The following FLNC variants were observed in gnomAD, a reference collection of about 807,000 sequenced individuals.
The protein encoded by FLNC is filamin C.
A neutral mutation model predicts 254.3 loss-of-function variants in FLNC; 91 were observed. The observed-to-expected ratio is 0.36, with a 90% CI of 0.30 to 0.43. The LOEUF (loss-of-function observed/expected upper bound fraction) is 0.43. Among genes scored for constraint, FLNC ranks in the 20% least tolerant of loss-of-function variants. The pLI is 1.00. For missense variants in FLNC, 2,853 were observed against 3,802.6 expected (o/e 0.75, Z 6.57); for synonymous variants, 1,430 against 1,577.2 (o/e 0.91, Z 2.21).
intron 8 of FLNC, 84 bp downstream of exon 8, chr7:128,838,887 G>A (rs1808215888): frequency 1.5e-6 from 2 of 1,317,290 alleles, no homozygotes; most frequent in Non-Finnish European, 2.2e-6. Flanking sequence ...TGGGGCGGGG[G>A]TCTGCAGAGA....
At chr7:128,840,790 G>T (rs373028257) in intron 10 of FLNC, 44 bp from the exon 11 acceptor site, 10 of 1,612,826 alleles carry the variant, frequency 6.2e-6, no homozygotes, top group Non-Finnish European at 8.5e-6. Context: ...GAGGGACTTT[G>T]GGGGGCACTT....
rs1036290333 is a variant in FLNC, at chr7:128,845,877, A to G, written c.3791-113A>G. 2.2e-5 allele frequency: 16 copies of G among 732,794 alleles called. No individual in the cohort carries two copies. In the African/African-American group the frequency reaches 3.6e-4, roughly 16 times the overall value. 45.4% of individuals were successfully genotyped at this position (732,794 alleles called of 1,614,324 possible). ...GGGGAGAGGAGGGTGAGAGGAGGGG[A>G]AGAGGAGGGGAAGAGGAGAGGGAGA... On this transcript the variant is annotated intron_variant, in intron 21 of 47. Transcript: ENST00000325888.
At chr7:128,833,616 AC>A (rs879276981) in intron 1 of FLNC, among the ~76,000 whole-genome samples, 3 of 124,204 alleles carry the variant, frequency 2.4e-5, no homozygotes, top group African/African-American at 1.1e-4. Context: ...CCATATACAC[AC>A]CGCCCCCCCC....
In FLNC at chr7:128,844,255, G is replaced by A. The variant is rs1395662654; in HGVS notation, c.3181G>A (p.Asp1061Asn). ...PFAVEGVLPP[D>N]PSKVCAYGPG... ...TGCTGTGGAGGGTGTCCTGCCCCCT[G>A]ATCCCTCCAAGGTGAGGAGATAGGA... The change falls in exon 20 of 48, where the codon GAT becomes AAT. Residue 1061 changes from aspartate (D) to asparagine (N), a missense_variant. Physicochemically the swap from Asp to Asn is conservative, Grantham distance 23. Coordinates refer to ENST00000325888, the MANE Select transcript of FLNC (RefSeq NM_001458.5). The A allele has an allele frequency of 6.2e-7, 1 of 1,608,092 alleles. No homozygotes were observed. Among genetic ancestry groups the A allele is most frequent in the South Asian group, 1.1e-5 (1 of 90,528 alleles).
chr7:128,857,107 C>T lies in FLNC; in HGVS notation c.7562-11C>T. The T allele has an allele frequency of 6.2e-7, 1 of 1,613,564 alleles. No individual in the cohort carries two copies. The highest frequency in any genetic ancestry group is 8.5e-7 in the Non-Finnish European group (1 of 1,179,506). ...CTTCCTGCCCTCAGCCTTGCTACCTCTGGCCCCCAGGTGTGTCATCAGAGT... is the reference window on the plus strand; with the variant it reads ...CTTCCTGCCCTCAGCCTTGCTACCTTTGGCCCCCAGGTGTGTCATCAGAGT... On this transcript the variant is annotated splice_polypyrimidine_tract_variant and intron_variant, in intron 45 of 47. Coordinates refer to ENST00000325888, the MANE Select transcript of FLNC (RefSeq NM_001458.5). The surrounding 1 kb of genome is among the most constrained non-coding windows in gnomAD (Gnocchi z 4.5).
In FLNC at chr7:128,854,730, G is replaced by C. The variant is rs753760205; in HGVS notation, c.6998-45G>C. On this transcript the variant is annotated intron_variant, in intron 41 of 47. Coordinates refer to ENST00000325888, the MANE Select transcript of FLNC (RefSeq NM_001458.5). ...TGGGGATGAAGTCAGGGCAGCCAGT[G>C]TGAGGGGCGATGATGCTGAAGTCCA... 5 of 1,613,238 alleles carry C rather than the reference G, an allele frequency of 3.1e-6. No homozygotes were observed. In the South Asian group the frequency reaches 4.4e-5, roughly 14 times the overall value.
chr7:128,852,544 G>A (rs775071351), intron 35 of FLNC, 47 bp from the exon 36 acceptor site: 36 of 1,610,266 alleles, frequency 2.2e-5, no homozygotes, highest in African/African-American at 2.7e-5. Flanking sequence ...GTGAGGGCAG[G>A]GCCTGCCTGG....
Position 128,835,375 on chromosome 7 carries a change from C to G in FLNC, c.402C>G (p.Ile134Met), listed in dbSNP as rs1455597166. Reference protein sequence around the residue: ...DGNLKLILGLIWTLILHYSIS... With the variant: ...DGNLKLILGLMWTLILHYSIS... ...ACCTGAAGCTGATCCTGGGCCTGAT[C>G]TGGACGCTGATCCTGCACTACTCCA... is the stretch of plus-strand genomic sequence containing the variant. The change falls in exon 2 of 48, where the codon ATC becomes ATG. Residue 134 changes from isoleucine to methionine, a missense_variant. Ile to Met is a conservative substitution (Grantham distance 10). This residue lies in a region of FLNC where 115 missense variants were observed against 230.3 expected (regional missense o/e 0.50). Transcript: ENST00000325888. The surrounding 1 kb of genome is among the most constrained non-coding windows in gnomAD (Gnocchi z 5.3). 1.9e-6 allele frequency: 3 copies of G among 1,614,068 alleles called. No homozygotes were observed. The highest frequency in any genetic ancestry group is 2.5e-6 in the Non-Finnish European group (3 of 1,180,018).
At chr7:128,850,153 G>C in intron 31 of FLNC, 79 bp downstream of exon 31, 1 of 1,277,934 alleles carries the variant, frequency 7.8e-7, no homozygotes, top group Non-Finnish European at 1.1e-6. Flanking sequence ...CTGCAGCCAG[G>C]GCGGGGACAT....
At chr7:128,832,950 C>G (rs1807952216) in intron 1 of FLNC, among the ~76,000 whole-genome samples, 1 of 152,180 alleles carries the variant, frequency 6.6e-6, no homozygotes, top group Admixed American at 6.5e-5. Flanking sequence ...ATGGGGCCAC[C>G]TTCTGAGTAT....
Position 128,835,908 on chromosome 7 carries a change from C to T in FLNC, c.601+334C>T, listed in dbSNP as rs1023361449. Reference sequence around the variant, plus strand: ...CACCTAGAGCCCAGGGCCTGGACTCCCTGCCCCATGAATTTTTTACTGTGC... The same window carrying T: ...CACCTAGAGCCCAGGGCCTGGACTCTCTGCCCCATGAATTTTTTACTGTGC... On this transcript the variant is annotated intron_variant, in intron 2 of 47. Coordinates refer to ENST00000325888, the MANE Select transcript of FLNC (RefSeq NM_001458.5). This position sits in a 1 kb window ranked among gnomAD's most constrained non-coding sequence, Gnocchi z 5.3. 1.3e-5 allele frequency among the ~76,000 whole-genome samples: 2 copies of T among 152,148 alleles called. No homozygotes were observed. Among genetic ancestry groups the T allele is most frequent in the African/African-American group, 2.4e-5 (1 of 41,428 alleles).
rs185364737 is a variant in FLNC, at chr7:128,849,676, C to A, written c.5199+98C>A. 11,806 of 1,489,016 alleles carry A rather than the reference C, an allele frequency of 7.9e-3. 456 individuals are homozygous for A. In the Admixed American group the frequency reaches 0.11, roughly 14 times the overall value. The allele number at this position is 1,489,016 out of a possible 1,614,324, so 92.2% of individuals were successfully genotyped here. On this transcript the variant is annotated intron_variant, in intron 30 of 47. Coordinates refer to ENST00000325888, the MANE Select transcript of FLNC (RefSeq NM_001458.5). ...CCCAGATAACTGTCCCCAAGGAATC[C>A]CACTTCTCTGAGGGCTCCTGGGGCC...
intron 42 of FLNC, 68 bp from the exon 43 acceptor site, chr7:128,855,131 A>G (rs781252932): frequency 2.9e-5 from 35 of 1,194,318 alleles, no homozygotes; most frequent in Non-Finnish European, 4.1e-5. Context: ...GGATAAGGCC[A>G]GGGTGGGGAG....
chr7:128,852,120 T>C (rs189889276), intron 35 of FLNC, among the ~76,000 whole-genome samples: 169 of 152,250 alleles, frequency 1.1e-3, no homozygotes, highest in African/African-American at 3.9e-3. Context: ...TGCCTCGGCC[T>C]CCCAAAGTGC....
intron 26 of FLNC, 97 bp downstream of exon 26, chr7:128,848,165 C>A: frequency 1.4e-5 from 20 of 1,397,880 alleles, no homozygotes; most frequent in Non-Finnish European, 2.0e-5. Context: ...CCTGGGAGAG[C>A]CTCTCCCAGC....
rs1808424297 is a variant in FLNC at position 128,843,432 on chromosome 7, A to G, written c.2666A>G (p.His889Arg). 2 of 1,613,858 alleles carry G rather than the reference A, an allele frequency of 1.2e-6. No individual in the cohort carries two copies. Among genetic ancestry groups the G allele is most frequent in the African/African-American group, 1.3e-5 (1 of 74,862 alleles). The change falls in exon 18 of 48, where the codon CAC (histidine) becomes CGC (arginine). Residue 889 changes from histidine to arginine, a missense_variant. Coordinates refer to ENST00000325888, the MANE Select transcript of FLNC (RefSeq NM_001458.5). The stretch of plus-strand genomic sequence containing the variant: ...GGTGTGGAAGTCGGGAAGCCCACCC[A>G]CTTCACGGTGCTGACCAAGGGAGCC... ...RTGVEVGKPT[H>R]FTVLTKGAGK...
Position 128,840,937 on chromosome 7 carries a change from G to A in FLNC, c.1780G>A (p.Val594Met), listed in dbSNP as rs1808305615. 4 of 1,607,678 alleles carry A rather than the reference G, an allele frequency of 2.5e-6. No individual in the cohort carries two copies. The highest frequency in any genetic ancestry group is 2.2e-5 in the East Asian group (1 of 44,594). ...GQVGKSADFV[V>M]EAIGTEVGTL... The stretch of plus-strand genomic sequence containing the variant: ...GGTGGGCAAGTCAGCCGATTTTGTG[G>A]TGGAAGCCATTGGCACCGAGGTGGG... The change falls in exon 11 of 48, where the codon GTG becomes ATG. Residue 594 changes from valine (V) to methionine (M), a missense_variant. By Grantham distance (21) the Val-to-Met change is conservative (BLOSUM62 1). Around this residue, in one of 10 missense-constraint regions of FLNC, gnomAD observed 1,573 missense variants for 1,883.5 expected, o/e 0.84. Coordinates refer to ENST00000325888, the MANE Select transcript of FLNC (RefSeq NM_001458.5).
rs1219019654 is a variant in FLNC at position 128,836,434 on chromosome 7, T to C, written c.602-726T>C. Among the ~76,000 whole-genome samples the C allele has an allele frequency of 1.3e-5, 2 of 152,098 alleles. No individual in the cohort carries two copies. Among genetic ancestry groups the C allele is most frequent in the Non-Finnish European group, 2.9e-5 (2 of 68,008 alleles). On this transcript the variant is annotated intron_variant, in intron 2 of 47. Coordinates refer to ENST00000325888, the MANE Select transcript of FLNC (RefSeq NM_001458.5). This position sits in a 1 kb window ranked among gnomAD's most constrained non-coding sequence, Gnocchi z 6.0. The stretch of plus-strand genomic sequence containing the variant: ...TGAGCTCAGCTGTTCCAGCCAGTCA[T>C]GGATTCCAGCCTTGAGCCGGCCCCC...
rs1187236355 is a variant in FLNC, at chr7:128,854,756, C to G, written c.6998-19C>G. The G allele has an allele frequency of 1.9e-6, 3 of 1,613,994 alleles. No individual in the cohort carries two copies. Among genetic ancestry groups the G allele is most frequent in the Non-Finnish European group, 2.5e-6 (3 of 1,180,014 alleles). ...TGAGGGGCGATGATGCTGAAGTCCA[C>G]TACCTTGCCTGTCCCCAGCCGAGTT... On this transcript the variant is annotated intron_variant, in intron 41 of 47. Coordinates refer to ENST00000325888, the MANE Select transcript of FLNC (RefSeq NM_001458.5).
Sources: gnomAD v4.1 joint callset for allele counts (sites outside exome capture counted in the v4.1 genomes callset) on GRCh38, gnomAD v4.1.1 for gene constraint, gnomAD v4.1.1 regional missense constraint, Gnocchi (gnomAD v3.1) non-coding constraint, MANE v1.5 for transcripts, NCBI Gene and HGNC (gene_info 2026-07-23, HGNC 2026-07-21) for gene names.